MTREX: variants seen among roughly 807,000 people sequenced by gnomAD.
MTREX encodes the protein Mtr4 exosome RNA helicase.
MTREX carries 76 observed loss-of-function variants against 135.4 expected under a neutral mutation model. The observed-to-expected ratio is 0.56, with a 90% confidence interval of 0.47 to 0.68. MTREX has a LOEUF of 0.68. Ranked by LOEUF, MTREX falls within the 30% of genes least tolerant of loss-of-function variation. MTREX has a pLI of 0.00. For missense variants in MTREX, 920 were observed against 1,262.1 expected (o/e 0.73, Z 4.11); for synonymous variants, 404 against 401.6 (o/e 1.01, Z -0.07).
intron 18 of MTREX, among the ~76,000 whole-genome samples, chr5:55,385,744 G>A (rs1750468395): frequency 6.6e-6 from 1 of 152,108 alleles, no homozygotes; most frequent in Non-Finnish European, 1.5e-5. Flanking sequence ...GGATCACATG[G>A]TAGTCAGTCA....
At chr5:55,380,669 A>T (rs907601661) in intron 18 of MTREX, among the ~76,000 whole-genome samples, 4 of 152,070 alleles carry the variant, frequency 2.6e-5, no homozygotes, top group Non-Finnish European at 5.9e-5. Context: ...ATCGGGATTC[A>T]GTTGGTAGTA....
chr5:55,392,800 A>G (rs1579889859), intron 19 of MTREX, among the ~76,000 whole-genome samples: 1 of 151,810 alleles, frequency 6.6e-6, no homozygotes, highest in East Asian at 1.9e-4. Flanking sequence ...TGAATGTCTT[A>G]CTCCCCAGCC....
intron 18 of MTREX, among the ~76,000 whole-genome samples, chr5:55,383,051 G>T (rs903011191): frequency 2.0e-5 from 3 of 152,130 alleles, no homozygotes; most frequent in African/African-American, 7.2e-5. Flanking sequence ...GTGGATTCAT[G>T]TTACTACCTG....
At chr5:55,357,672 T>G (rs1267815161) in intron 14 of MTREX, 4 of 152,428 alleles carry the variant, frequency 2.6e-5, no homozygotes, top group African/African-American at 9.6e-5. Flanking sequence ...ACCACCATCC[T>G]CAGGCATCAG....
intron 16 of MTREX, among the ~76,000 whole-genome samples, chr5:55,367,511 C>G (rs1280701995): frequency 6.6e-6 from 1 of 151,880 alleles, no homozygotes; most frequent in African/African-American, 2.4e-5. Flanking sequence ...CAGCACATGC[C>G]TATTAGCCTT....
At chr5:55,316,281 T>C (rs917068513) in intron 1 of MTREX, among the ~76,000 whole-genome samples, 5 of 152,204 alleles carry the variant, frequency 3.3e-5, no homozygotes, top group Admixed American at 2.6e-4. Flanking sequence ...CCCCAACTTA[T>C]TATGTGAGGC....
At chr5:55,316,410 C>A (rs574683372) in intron 1 of MTREX, among the ~76,000 whole-genome samples, 1 of 152,264 alleles carries the variant, frequency 6.6e-6, no homozygotes, top group Admixed American at 6.5e-5. Context: ...CCAAATCCAG[C>A]AGCACATCAA....
intron 19 of MTREX, among the ~76,000 whole-genome samples, chr5:55,391,414 T>G (rs1750564443): frequency 6.6e-6 from 1 of 152,118 alleles, no homozygotes; most frequent in Admixed American, 6.5e-5. Flanking sequence ...GCCACTGCAC[T>G]CCAGCCTGAG....
At chr5:55,400,498 C>A in intron 21 of MTREX, 77 bp downstream of exon 21, 1 of 1,047,066 alleles carries the variant, frequency 9.6e-7, no homozygotes, top group Non-Finnish European at 1.3e-6. Context: ...ATTTTCTTAT[C>A]CTGTTGGTTT....
chr5:55,339,800 C>T (rs574325652), intron 5 of MTREX, among the ~76,000 whole-genome samples: 1 of 152,262 alleles, frequency 6.6e-6, no homozygotes, highest in Non-Finnish European at 1.5e-5. Context: ...GTTGCATTAA[C>T]TCTGAGTGAC....
rs543924394 is a variant in MTREX, at chr5:55,408,001, G to C, written c.2645+2413G>C. 2.0e-5 allele frequency among the ~76,000 whole-genome samples: 3 copies of C among 152,056 alleles called. No individual in the cohort carries two copies. In the South Asian group the frequency reaches 6.2e-4, roughly 32 times the overall value. Reference sequence around the variant, plus strand: ...TTGAACTCCTGTAATTAAGCAGTCCGCCCACCTTACCACCCAAATTGCTGG... The same window carrying C: ...TTGAACTCCTGTAATTAAGCAGTCCCCCCACCTTACCACCCAAATTGCTGG... On this transcript the variant is annotated intron_variant, in intron 22 of 26. Coordinates refer to ENST00000230640, the MANE Select transcript of MTREX (RefSeq NM_015360.5).
At chr5:55,417,197 C>T (rs1453028351) in intron 25 of MTREX, among the ~76,000 whole-genome samples, 1 of 152,132 alleles carries the variant, frequency 6.6e-6, no homozygotes, top group Non-Finnish European at 1.5e-5. Context: ...CAAACAGTCC[C>T]AAAGCATCCT....
At position 55,425,513 on chromosome 5, in the gene MTREX, A is replaced by G. The variant is rs1751159410; in HGVS notation, c.*741A>G. 1 of 583,312 alleles carries G rather than the reference A, an allele frequency of 1.7e-6. No individual in the cohort carries two copies. The highest frequency in any genetic ancestry group is 2.7e-6 in the Non-Finnish European group (1 of 366,622). The allele number at this position is 583,312 out of a possible 1,614,324, so 36.1% of individuals were successfully genotyped here. On this transcript the variant is annotated 3_prime_UTR_variant, in exon 27 of 27. Coordinates refer to ENST00000230640, the MANE Select transcript of MTREX (RefSeq NM_015360.5). ...TTTTTAAAGATTATTCCAAATTAAG[A>G]GTTGCTTTGTTATGCCTTCAGCAAA...
chr5:55,310,882 TTCCTCCCACCTC>T (rs1270954928), intron 1 of MTREX, among the ~76,000 whole-genome samples: 18 of 151,524 alleles, frequency 1.2e-4, no homozygotes, highest in Non-Finnish European at 2.5e-4. Flanking sequence ...GCCTCAAGCA[TTCCTCCCACCTC>T]AGCCTCCTGA....
At chr5:55,338,786 CTTTTTTTTTTTT>C (rs67612518) in intron 5 of MTREX, among the ~76,000 whole-genome samples, 9 of 92,258 alleles carry the variant, frequency 9.8e-5, no homozygotes, top group South Asian at 3.9e-4. Flanking sequence ...CTTTCTTTTT[CTTTTTTTTTTTT>C]TTTTTTTTTT....
Position 55,308,003 on chromosome 5 carries a change from T to C in MTREX, c.-11T>C, listed in dbSNP as rs565837541. The C allele has an allele frequency of 3.7e-6, 6 of 1,614,124 alleles. No homozygotes were observed. The highest frequency in any genetic ancestry group is 4.2e-6 in the Non-Finnish European group (5 of 1,180,016). On this transcript the variant is annotated 5_prime_UTR_variant, in exon 1 of 27. Transcript: ENST00000230640. ...GGGTAGGAGGGAGATTTGCTCTCACTGCTCCCAAAAATGGCGGACGCATTC... is the reference window on the plus strand; with the variant it reads ...GGGTAGGAGGGAGATTTGCTCTCACCGCTCCCAAAAATGGCGGACGCATTC...
chr5:55,418,274 C>T (rs1345715571), intron 25 of MTREX, among the ~76,000 whole-genome samples: 1 of 150,348 alleles, frequency 6.7e-6, no homozygotes, highest in Non-Finnish European at 1.5e-5. Flanking sequence ...AAAGCAAGGG[C>T]AGTAGACCTG....
At chr5:55,404,030 T>C (rs777650758) in intron 21 of MTREX, among the ~76,000 whole-genome samples, 15 of 152,206 alleles carry the variant, frequency 9.9e-5, no homozygotes, top group Non-Finnish European at 2.2e-4. Context: ...GATTTAATAT[T>C]AGTTCCCTAC....
chr5:55,366,678 A>G (rs1750110116), intron 15 of MTREX, 47 bp from the exon 16 acceptor site: 2 of 1,439,592 alleles, frequency 1.4e-6, no homozygotes, highest in Non-Finnish European at 1.9e-6. Context: ...GTACTTGTGT[A>G]AATTTATTTG....
Sources: allele counts gnomAD v4.1 joint callset (sites outside exome capture counted in the v4.1 genomes callset), GRCh38; gene constraint gnomAD v4.1.1; transcripts MANE v1.5; gene names NCBI Gene and HGNC (gene_info 2026-07-23, HGNC 2026-07-21).